LEPROTL1: variants seen among roughly 807,000 people sequenced by gnomAD.
LEPROTL1 encodes the protein leptin receptor overlapping transcript-like 1.
LEPROTL1 carries 6 observed loss-of-function variants against 15.4 expected under a neutral mutation model. The observed-to-expected ratio is 0.39, with a 90% CI of 0.21 to 0.77. LEPROTL1 has a LOEUF of 0.77. Among genes scored for constraint, LEPROTL1 ranks in the 30% least tolerant of loss-of-function variants. LEPROTL1 has a pLI of 0.41. For synonymous variants in LEPROTL1, 56 were observed against 52.6 expected, an observed-to-expected ratio of 1.06 and a Z score of -0.28; for missense variants, 128 against 158.1, an observed-to-expected ratio of 0.81 and a Z score of 1.02.
downstream of LEPROTL1, among the ~76,000 whole-genome samples, chr8:30,112,702 T>C (rs1051109892): frequency 6.6e-6 from 1 of 152,018 alleles, no homozygotes; most frequent in African/African-American, 2.4e-5. Flanking sequence ...CCGAGTTATT[T>C]AACCCGTGTC....
chr8:30,131,321 T>TAC (rs1318174633), intron 3 of LEPROTL1, among the ~76,000 whole-genome samples: 6 of 149,156 alleles, frequency 4.0e-5, no homozygotes, highest in Non-Finnish European at 5.9e-5. Context: ...TATATATATA[T>TAC]ACACATATAT....
intron 3 of LEPROTL1, among the ~76,000 whole-genome samples, chr8:30,127,240 A>G (rs1452324605): frequency 1.3e-5 from 2 of 152,164 alleles, no homozygotes; most frequent in Non-Finnish European, 2.9e-5. Context: ...GATGGTTTTC[A>G]TGGCTTAGCT....
intron 1 of LEPROTL1, 73 bp downstream of exon 1, chr8:30,095,601 C>T (rs1401974618): frequency 5.8e-6 from 7 of 1,199,720 alleles, no homozygotes; most frequent in South Asian, 4.6e-5. Context: ...CCACGCGGCC[C>T]CCGCACTTCC....
Position 30,107,147 on chromosome 8 carries a change from TGATA to T in LEPROTL1, c.*1289_*1292del, listed in dbSNP as rs1802581525. ...AACTGTTTTGATTTTGAGTTCATCA[TGATA>T]GATCTGCTGTTTCCTTATAAAAGGC... On this transcript the variant is annotated 3_prime_UTR_variant, in exon 4 of 4. Coordinates refer to ENST00000321250, the MANE Select transcript of LEPROTL1 (RefSeq NM_015344.3). The T allele has an allele frequency of 1.0e-6, 1 of 985,314 alleles. No individual in the cohort carries two copies. Among genetic ancestry groups the T allele is most frequent in the Non-Finnish European group, 1.2e-6 (1 of 829,786 alleles). The allele number at this position is 985,314 out of a possible 1,614,324, so 61.0% of individuals were successfully genotyped here.
chr8:30,135,538 T>A (rs1006808162), intron 4 of LEPROTL1, among the ~76,000 whole-genome samples: 6 of 152,172 alleles, frequency 3.9e-5, no homozygotes, highest in African/African-American at 1.4e-4. Context: ...ATTTGAAATA[T>A]GGCCTTAACC....
intron 1 of LEPROTL1, among the ~76,000 whole-genome samples, chr8:30,097,681 AAAAAT>A (rs1303949082): frequency 4.7e-5 from 6 of 127,980 alleles, no homozygotes; most frequent in African/African-American, 1.9e-4. Flanking sequence ...CAAAAAAAAA[AAAAAT>A]ATATATATAT....
chr8:30,095,455 GGCTGCCGCT>G lies in LEPROTL1; in HGVS notation c.-49_-41del. 2 of 1,460,016 alleles carry G rather than the reference GGCTGCCGCT, an allele frequency of 1.4e-6. No homozygotes were observed. The highest frequency in any genetic ancestry group is 1.8e-6 in the Non-Finnish European group (2 of 1,109,456). The allele number at this position is 1,460,016 out of a possible 1,614,324, so 90.4% of individuals were successfully genotyped here. ...CGCCGTAGCGCGTCTTGGGTCTCCC[GGCTGCCGCT>G]GCTGCCGCCGCCGCCTCGGGTCGTG... On this transcript the variant is annotated 5_prime_UTR_variant, in exon 1 of 4. Transcript: ENST00000321250.
At chr8:30,122,179 A>T (rs1802839371) in intron 3 of LEPROTL1, among the ~76,000 whole-genome samples, 1 of 152,040 alleles carries the variant, frequency 6.6e-6, no homozygotes, top group Non-Finnish European at 1.5e-5. Context: ...AAAAAAAAAA[A>T]AATTAACTTT....
chr8:30,095,884 G>T, intron 1 of LEPROTL1: 1 of 700,964 alleles, frequency 1.4e-6, no homozygotes, highest in Non-Finnish European at 2.6e-6. Context: ...GCATCCGAGA[G>T]AGAGGCAGGC....
chr8:30,095,812 G>A, intron 1 of LEPROTL1: 1 of 701,964 alleles, frequency 1.4e-6, no homozygotes, highest in East Asian at 2.7e-5. Flanking sequence ...ATATGAAGTG[G>A]TTGGCGGTCA....
At chr8:30,130,559 A>G in intron 3 of LEPROTL1, among the ~76,000 whole-genome samples, 1 of 152,204 alleles carries the variant, frequency 6.6e-6, no homozygotes, top group East Asian at 1.9e-4. Flanking sequence ...GTTATTTAGG[A>G]TATGCCAAGA....
In LEPROTL1 at chr8:30,105,855, A is replaced by G. The variant is rs775098803; in HGVS notation, c.389A>G (p.Gln130Arg). The G allele has an allele frequency of 6.5e-7, 1 of 1,540,238 alleles. No homozygotes were observed. The highest frequency in any genetic ancestry group is 1.2e-5 in the South Asian group (1 of 82,254). ...FGSNDDFSWQ[Q>R]W is the part of the protein sequence containing the mutation. Reference sequence around the variant, plus strand: ...AGCAATGACGACTTCAGCTGGCAGCAGTGGTGAAAAGAAATTACTGAACTA... The same window carrying G: ...AGCAATGACGACTTCAGCTGGCAGCGGTGGTGAAAAGAAATTACTGAACTA... Residue 130 changes from glutamine (Q) to arginine (R), a missense_variant, in exon 4 of 4, where the codon CAG (glutamine) becomes CGG (arginine). Coordinates refer to ENST00000321250, the MANE Select transcript of LEPROTL1 (RefSeq NM_015344.3).
At chr8:30,115,769 A>G (rs1802731858) in intron 3 of LEPROTL1, among the ~76,000 whole-genome samples, 1 of 152,126 alleles carries the variant, frequency 6.6e-6, no homozygotes. Flanking sequence ...AATGAAATTT[A>G]AACATCAATA....
At chr8:30,100,664 TGGTCTCAAACCCCCAACCTCA>T (rs1802450738) in intron 1 of LEPROTL1, among the ~76,000 whole-genome samples, 1 of 152,228 alleles carries the variant, frequency 6.6e-6, no homozygotes, top group African/African-American at 2.4e-5. Flanking sequence ...CTGACCAGGC[TGGTCTCAAACCCCCAACCTCA>T]TGATCCGCCC....
downstream of LEPROTL1, among the ~76,000 whole-genome samples, chr8:30,112,143 C>T (rs950406051): frequency 6.6e-6 from 1 of 152,142 alleles, no homozygotes; most frequent in Non-Finnish European, 1.5e-5. Flanking sequence ...TTCATCATAT[C>T]CACCTGTTAC....
At chr8:30,137,891 G>T, downstream of LEPROTL1, 1 of 251,984 alleles carries the variant, frequency 4.0e-6, no homozygotes, top group Admixed American at 5.1e-5. Context: ...TCCTCCAATT[G>T]CTCCTGGGGA....
chr8:30,131,296 A>ATATGTG (rs367717206), intron 3 of LEPROTL1, among the ~76,000 whole-genome samples: 3,756 of 123,802 alleles, frequency 0.03, 106 homozygotes, highest in East Asian at 0.088. Context: ...ATATATATAT[A>ATATGTG]TGTGTGTGTG....
At chr8:30,122,397 C>T (rs1011562524) in intron 3 of LEPROTL1, among the ~76,000 whole-genome samples, 3 of 152,204 alleles carry the variant, frequency 2.0e-5, no homozygotes, top group Non-Finnish European at 4.4e-5. Context: ...CCTCCCACCT[C>T]AGCCTCCCAA....
chr8:30,137,012 A>T (rs570060941), intron 4 of LEPROTL1, among the ~76,000 whole-genome samples: 13 of 148,120 alleles, frequency 8.8e-5, no homozygotes, highest in East Asian at 7.9e-4. Flanking sequence ...CAGGAAAATT[A>T]AAAAAAAAAA....
Sources: gnomAD v4.1 joint callset for allele counts (sites outside exome capture counted in the v4.1 genomes callset) on GRCh38, gnomAD v4.1.1 for gene constraint, MANE v1.5 for transcripts, NCBI Gene and HGNC (gene_info 2026-07-23, HGNC 2026-07-21) for gene names.